Variants in PDGFC observed in about 807,000 individuals in gnomAD.
The protein encoded by PDGFC is platelet derived growth factor C, also known as platelet-derived growth factor C.
In PDGFC, 12 loss-of-function variants were observed where a neutral mutation model predicts 35.5. The observed-to-expected ratio is 0.34, with a 90% CI of 0.22 to 0.55. The LOEUF (loss-of-function observed/expected upper bound fraction) is 0.55. PDGFC is among the 20% of genes least tolerant of loss of function. PDGFC has a pLI of 0.91. For missense variants in PDGFC, 322 were observed against 412.4 expected, an observed-to-expected ratio of 0.78 and a Z score of 1.90; for synonymous variants, 159 against 148.8, an observed-to-expected ratio of 1.07 and a Z score of -0.50.
At chr4:156,802,738 T>C (rs1731649851) in intron 3 of PDGFC, among the ~76,000 whole-genome samples, 1 of 152,140 alleles carries the variant, frequency 6.6e-6, no homozygotes, top group Admixed American at 6.6e-5. Flanking sequence ...TTGAAGAAAC[T>C]GACTAAGCCA....
At chr4:156,800,047 C>T (rs1731557061) in intron 3 of PDGFC, among the ~76,000 whole-genome samples, 1 of 152,068 alleles carries the variant, frequency 6.6e-6, no homozygotes, top group African/African-American at 2.4e-5. Context: ...TCTCAATGAT[C>T]TTTCTCCTAT....
intron 1 of PDGFC, among the ~76,000 whole-genome samples, chr4:156,880,753 TG>T (rs1730222328): frequency 6.6e-6 from 1 of 152,084 alleles, no homozygotes; most frequent in Non-Finnish European, 1.5e-5. Context: ...TAAAAAGAGA[TG>T]TGAAAATAGC....
At chr4:156,766,522 T>C (rs1279565942) in intron 5 of PDGFC, among the ~76,000 whole-genome samples, 1 of 152,112 alleles carries the variant, frequency 6.6e-6, no homozygotes, top group Non-Finnish European at 1.5e-5. Context: ...ACCATCCTTC[T>C]TGAAAAGTCA....
chr4:156,788,465 A>C (rs778591839), intron 3 of PDGFC, among the ~76,000 whole-genome samples: 1 of 152,228 alleles, frequency 6.6e-6, no homozygotes, highest in Non-Finnish European at 1.5e-5. Flanking sequence ...AGTATCAGAA[A>C]CTTAGCAGGG....
At chr4:156,923,355 C>T (rs1731333271) in intron 1 of PDGFC, among the ~76,000 whole-genome samples, 1 of 152,114 alleles carries the variant, frequency 6.6e-6, no homozygotes, top group Non-Finnish European at 1.5e-5. Context: ...GCCTTTGAGC[C>T]TTAAGAGAAA....
chr4:156,870,852 ATAGT>A (rs1729965562), intron 1 of PDGFC, among the ~76,000 whole-genome samples: 2 of 152,168 alleles, frequency 1.3e-5, no homozygotes, highest in Non-Finnish European at 2.9e-5. Flanking sequence ...ATGTCTTGCT[ATAGT>A]TAGAGGATCA....
chr4:156,871,756 T>C (rs1166856914), intron 1 of PDGFC, among the ~76,000 whole-genome samples: 1 of 152,066 alleles, frequency 6.6e-6, no homozygotes, highest in African/African-American at 2.4e-5. Context: ...CCAGATTAAA[T>C]TGAGTCTATG....
chr4:156,770,949 TA>T (rs1730678601), intron 4 of PDGFC, among the ~76,000 whole-genome samples: 1 of 152,274 alleles, frequency 6.6e-6, no homozygotes, highest in South Asian at 2.1e-4. Context: ...TTTGACTCCT[TA>T]TTCCTTTGTA....
intron 1 of PDGFC, among the ~76,000 whole-genome samples, chr4:156,902,868 C>T (rs191123634): frequency 6.6e-6 from 1 of 152,196 alleles, no homozygotes; most frequent in Non-Finnish European, 1.5e-5. Flanking sequence ...TTCTTTTTTA[C>T]GTCCCTGTAA....
chr4:156,869,957 T>G (rs2111139386), intron 1 of PDGFC, among the ~76,000 whole-genome samples: 1 of 152,174 alleles, frequency 6.6e-6, no homozygotes, highest in Admixed American at 6.5e-5. Flanking sequence ...GTCAAATAGA[T>G]ATTATTGTAC....
chr4:156,901,932 A>G (rs1475842299), intron 1 of PDGFC, among the ~76,000 whole-genome samples: 2 of 152,154 alleles, frequency 1.3e-5, no homozygotes, highest in African/African-American at 4.8e-5. Context: ...ATTAAGGTAT[A>G]ACATGTCTAG....
chr4:156,970,278 C>G (rs1219380098), intron 1 of PDGFC, among the ~76,000 whole-genome samples: 2 of 152,080 alleles, frequency 1.3e-5, no homozygotes, highest in Admixed American at 6.6e-5. Flanking sequence ...CTTTTTAATT[C>G]CTCTAAAAAC....
At chr4:156,854,089 G>A (rs373830491) in intron 1 of PDGFC, among the ~76,000 whole-genome samples, 8 of 152,064 alleles carry the variant, frequency 5.3e-5, no homozygotes, top group Non-Finnish European at 7.4e-5. Context: ...AGTTTCTTCC[G>A]ATAATCTACA....
At chr4:156,928,908 C>A (rs1329009415) in intron 1 of PDGFC, among the ~76,000 whole-genome samples, 2 of 152,106 alleles carry the variant, frequency 1.3e-5, no homozygotes, top group Non-Finnish European at 2.9e-5. Flanking sequence ...AGAGAACTGT[C>A]TGTTAACAAT....
intron 1 of PDGFC, among the ~76,000 whole-genome samples, chr4:156,919,541 C>A (rs537929321): frequency 6.6e-6 from 1 of 152,212 alleles, no homozygotes; most frequent in Non-Finnish European, 1.5e-5. Flanking sequence ...ATCAGATTTT[C>A]TATACCCTTC....
At chr4:156,913,317 G>A (rs935286992) in intron 1 of PDGFC, among the ~76,000 whole-genome samples, 5 of 151,772 alleles carry the variant, frequency 3.3e-5, no homozygotes, top group African/African-American at 7.3e-5. Flanking sequence ...CTTCTAACAA[G>A]GACTGCCTAC....
intron 1 of PDGFC, among the ~76,000 whole-genome samples, chr4:156,928,988 AT>A (rs1470644540): frequency 6.6e-6 from 1 of 152,216 alleles, no homozygotes; most frequent in Non-Finnish European, 1.5e-5. Context: ...GATAAAGAGT[AT>A]GCATGAACTC....
intron 1 of PDGFC, among the ~76,000 whole-genome samples, chr4:156,873,121 T>C (rs2111149041): frequency 6.6e-6 from 1 of 152,268 alleles, no homozygotes; most frequent in East Asian, 1.9e-4. Flanking sequence ...AGACCCTGTC[T>C]CAAACTAAAA....
Position 156,811,032 on chromosome 4 carries a change from A to G in PDGFC, c.315-15T>C, listed in dbSNP as rs377714361. The G allele has an allele frequency of 5.3e-6, 8 of 1,516,724 alleles. No individual in the cohort carries two copies. Among genetic ancestry groups the G allele is most frequent in the Non-Finnish European group, 5.4e-6 (6 of 1,120,942 alleles). 94.0% of individuals were successfully genotyped at this position (1,516,724 alleles called of 1,614,324 possible). A position where few individuals can be genotyped will look rare whatever the true frequency, so the allele number is the denominator to read the frequency against. ...CAAAATCATACCTGCAAAAAGACAA[A>G]GGGAAAGAGACATCATTTCATAATC... On this transcript the variant is annotated splice_polypyrimidine_tract_variant and intron_variant, in intron 2 of 5. Coordinates refer to ENST00000502773, the MANE Select transcript of PDGFC (RefSeq NM_016205.3).
Sources: allele counts gnomAD v4.1 joint callset (sites outside exome capture counted in the v4.1 genomes callset), GRCh38; gene constraint gnomAD v4.1.1; transcripts MANE v1.5; gene names NCBI Gene and HGNC (gene_info 2026-07-23, HGNC 2026-07-21).